Variants in MYO6 observed in about 807,000 individuals in gnomAD.
The protein encoded by MYO6 is unconventional myosin-VI.
MYO6 carries 74 observed loss-of-function variants against 178.7 expected under a neutral mutation model. That is an observed-to-expected ratio of 0.41 (90% CI 0.34 to 0.50). The LOEUF is 0.50. MYO6 is among the 20% of genes least tolerant of loss of function. MYO6 has a pLI of 0.09. For missense variants in MYO6, 1,330 were observed against 1,547.4 expected (o/e 0.86, Z 2.36); for synonymous variants, 477 against 504.6 (o/e 0.95, Z 0.73).
intron 1 of MYO6, among the ~76,000 whole-genome samples, chr6:75,757,286 ATATG>A (rs1310092152): frequency 6.7e-6 from 1 of 148,852 alleles, no homozygotes; most frequent in Non-Finnish European, 1.5e-5. Context: ...TATACACAAT[ATATG>A]TGTGTGTATG....
rs181555949 is a variant in MYO6, at chr6:75,794,267, T to C, written c.-47-23234T>C. Among the ~76,000 whole-genome samples, 5 of 152,232 alleles carry C rather than the reference T, an allele frequency of 3.3e-5. No individual in the cohort carries two copies. The East Asian group carries it at 9.7e-4, about 29-fold the overall frequency. Reference sequence around the variant, plus strand: ...GAAGACATCTAAAAAATAGAAAGAATATCAGAACATTCCTCATTGTATGAT... The same window carrying C: ...GAAGACATCTAAAAAATAGAAAGAACATCAGAACATTCCTCATTGTATGAT... On this transcript the variant is annotated intron_variant, in intron 1 of 34. Transcript: ENST00000369977.
At position 75,840,593 on chromosome 6, in the gene MYO6, C is replaced by A; in HGVS notation, c.562C>A (p.Leu188Ile). Residue 188 changes from leucine to isoleucine, a missense_variant, in exon 8 of 35, where the codon CTC (leucine) becomes ATC (isoleucine). Physicochemically the swap from Leu to Ile is conservative, Grantham distance 5 (BLOSUM62 2). Around this residue, in one of 3 missense-constraint regions of MYO6, gnomAD observed 613 missense variants for 816.8 expected, o/e 0.75. Coordinates refer to ENST00000369977, the MANE Select transcript of MYO6 (RefSeq NM_004999.4). ...IDDRIVEANP[L>I]LEAFGNAKTV... ...TTTTTGTTTCTCAATAGCTAACCCA[C>A]TCCTAGAAGCCTTTGGAAATGCGAA... The A allele has an allele frequency of 6.2e-7, 1 of 1,613,432 alleles. No individual in the cohort carries two copies. The highest frequency in any genetic ancestry group is 8.5e-7 in the Non-Finnish European group (1 of 1,179,484).
In MYO6 at chr6:75,911,679, A is replaced by G; in HGVS notation, c.3420A>G (p.Ala1140=). Residue 1140 remains alanine (A), a synonymous_variant, in exon 33 of 35, where the codon GCA becomes GCG. Transcript: ENST00000369977. The stretch of plus-strand genomic sequence containing the variant: ...TAAAATATTTGTTCACAGATTTTGC[A>G]CCATTTTTGAACAATTCACGTAAGT... ...APKSVTDYDF[A]PFLNNSPQQN... 1 of 1,611,940 alleles carries G rather than the reference A, an allele frequency of 6.2e-7. No individual in the cohort carries two copies. The highest frequency in any genetic ancestry group is 8.5e-7 in the Non-Finnish European group (1 of 1,178,314).
chr6:75,859,124 G>T (rs1775975912), intron 14 of MYO6, 131 bp downstream of exon 14: 2 of 683,052 alleles, frequency 2.9e-6, no homozygotes, highest in Non-Finnish European at 2.5e-6. Context: ...AGGGAATCTG[G>T]GAAGCCCAGC....
chr6:75,751,833 A>G (rs115513423), intron 1 of MYO6, among the ~76,000 whole-genome samples: 214 of 152,294 alleles, frequency 1.4e-3, no homozygotes, highest in African/African-American at 4.7e-3. Context: ...AAAAAAACCC[A>G]TTTTAACTTT....
intron 16 of MYO6, among the ~76,000 whole-genome samples, chr6:75,864,030 A>T (rs16886925): frequency 6.6e-6 from 1 of 152,142 alleles, no homozygotes; most frequent in African/African-American, 2.4e-5. Flanking sequence ...AGTTTCGACC[A>T]CAAAGATAGT....
chr6:75,797,769 A>T (rs1769018783), intron 1 of MYO6, among the ~76,000 whole-genome samples: 1 of 152,078 alleles, frequency 6.6e-6, no homozygotes, highest in African/African-American at 2.4e-5. Flanking sequence ...CCTGACCTCA[A>T]GTGATCTGCC....
At chr6:75,902,301 T>TA (rs1354003931) in intron 30 of MYO6, among the ~76,000 whole-genome samples, 1 of 152,332 alleles carries the variant, frequency 6.6e-6, no homozygotes, top group East Asian at 1.9e-4. Context: ...GAAGGAATGG[T>TA]ACCAGTTCCT....
intron 11 of MYO6, among the ~76,000 whole-genome samples, chr6:75,851,417 C>G (rs149695248): frequency 6.6e-6 from 1 of 152,258 alleles, no homozygotes; most frequent in East Asian, 1.9e-4. Context: ...TCCTATGACT[C>G]TTCCTATAGA....
intron 29 of MYO6, 92 bp downstream of exon 29, chr6:75,895,352 T>G: frequency 1.9e-6 from 2 of 1,054,394 alleles, no homozygotes; most frequent in South Asian, 2.7e-5. Flanking sequence ...ATTATTTTCT[T>G]CTATTGAAAG....
chr6:75,751,242 A>T lies in MYO6; in HGVS notation c.-48+1819A>T, dbSNP rs539588574. ...GAATTGCATCCACTTTGGTAAACAG[A>T]AGTCATTTTAGTCTTATGTACATTT... On this transcript the variant is annotated intron_variant, in intron 1 of 34. Coordinates refer to ENST00000369977, the MANE Select transcript of MYO6 (RefSeq NM_004999.4). 3.3e-5 allele frequency among the ~76,000 whole-genome samples: 5 copies of T among 152,306 alleles called. No individual in the cohort carries two copies. In the East Asian group the frequency reaches 9.6e-4, roughly 29 times the overall value.
At chr6:75,814,988 T>G (rs865847882) in intron 1 of MYO6, among the ~76,000 whole-genome samples, 8 of 152,212 alleles carry the variant, frequency 5.3e-5, no homozygotes, top group African/African-American at 1.7e-4. Context: ...GTGCTGGGCC[T>G]TAGGGACACA....
chr6:75,761,858 G>A lies in MYO6; in HGVS notation c.-48+12435G>A, dbSNP rs1380216007. On this transcript the variant is annotated intron_variant, in intron 1 of 34. Coordinates refer to ENST00000369977, the MANE Select transcript of MYO6 (RefSeq NM_004999.4). ...TGAAAGGTTTATGTCAGATGGGTTCGGGGTGGCAGTATATTGTAATGATGG... is the reference window on the plus strand; with the variant it reads ...TGAAAGGTTTATGTCAGATGGGTTCAGGGTGGCAGTATATTGTAATGATGG... Among the ~76,000 whole-genome samples, 4 of 152,090 alleles carry A rather than the reference G, an allele frequency of 2.6e-5. No individual in the cohort carries two copies. In the South Asian group the frequency reaches 6.2e-4, roughly 24 times the overall value.
chr6:75,778,514 T>G (rs1005589513), intron 1 of MYO6, among the ~76,000 whole-genome samples: 1 of 151,962 alleles, frequency 6.6e-6, no homozygotes, highest in African/African-American at 2.4e-5. Context: ...GGAGAATGGC[T>G]TGAACCCGGG....
intron 1 of MYO6, among the ~76,000 whole-genome samples, chr6:75,809,918 A>G (rs1422439512): frequency 7.9e-6 from 1 of 127,364 alleles, no homozygotes; most frequent in African/African-American, 3.0e-5. Flanking sequence ...AAAAAAAAAC[A>G]AAAAAAAAAG....
chr6:75,853,953 A>G (rs1775512024), intron 11 of MYO6, among the ~76,000 whole-genome samples: 1 of 152,196 alleles, frequency 6.6e-6, no homozygotes, highest in Non-Finnish European at 1.5e-5. Flanking sequence ...TCCCAGTTTT[A>G]TGGACGAAGA....
At chr6:75,809,350 A>G (rs1426213253) in intron 1 of MYO6, among the ~76,000 whole-genome samples, 1 of 152,206 alleles carries the variant, frequency 6.6e-6, no homozygotes, top group Non-Finnish European at 1.5e-5. Context: ...AAGGGCATGG[A>G]AAGTCTTGCC....
At chr6:75,790,804 G>A (rs1309079854) in intron 1 of MYO6, among the ~76,000 whole-genome samples, 11 of 152,120 alleles carry the variant, frequency 7.2e-5, no homozygotes, top group Admixed American at 1.3e-4. Flanking sequence ...GAGATAATTG[G>A]TGTATAAGTT....
chr6:75,791,099 G>GT (rs975431760), intron 1 of MYO6, among the ~76,000 whole-genome samples: 1 of 151,900 alleles, frequency 6.6e-6, no homozygotes, highest in African/African-American at 2.4e-5. Flanking sequence ...CGCCTGGCTA[G>GT]TTTTTTGTAT....
Sources: allele counts gnomAD v4.1 joint callset (sites outside exome capture counted in the v4.1 genomes callset), GRCh38; gene constraint gnomAD v4.1.1; regional missense constraint gnomAD v4.1.1; transcripts MANE v1.5; gene names NCBI Gene and HGNC (gene_info 2026-07-23, HGNC 2026-07-21).